LARP1B: variants seen among roughly 807,000 people sequenced by gnomAD.
LARP1B encodes La ribonucleoprotein 1B.
In LARP1B, 76 loss-of-function variants were observed where a neutral mutation model predicts 114.2. The observed-to-expected ratio is 0.67, with a 90% CI of 0.55 to 0.81. The LOEUF (loss-of-function observed/expected upper bound fraction) is 0.81, where lower values mean the gene tolerates loss of function less well. Ranked by LOEUF, LARP1B falls within the 30% of genes least tolerant of loss-of-function variation. The pLI, the probability that LARP1B is intolerant of heterozygous loss-of-function variation, is 0.00. For missense variants in LARP1B, 1,014 were observed against 1,075.8 expected, an observed-to-expected ratio of 0.94 and a Z score of 0.80; for synonymous variants, 345 against 348.0, an observed-to-expected ratio of 0.99 and a Z score of 0.10.
At chr4:128,182,797 G>A (rs1749013268) in intron 15 of LARP1B, among the ~76,000 whole-genome samples, 2 of 152,300 alleles carry the variant, frequency 1.3e-5, no homozygotes, top group African/African-American at 4.8e-5. Flanking sequence ...GTTTTTGAGG[G>A]AAATTAAAAG....
At position 128,098,784 on chromosome 4, in the gene LARP1B, T is replaced by A. The variant is rs1262307297; in HGVS notation, c.813+454T>A. 2.9e-3 allele frequency among the ~76,000 whole-genome samples: 294 copies of A among 103,150 alleles called. 6 individuals are homozygous for A. Among genetic ancestry groups the A allele is most frequent in the African/African-American group, 1.0e-2 (282 of 28,278 alleles). 67.7% of individuals were successfully genotyped at this position (103,150 alleles called of 152,430 possible). A position where few individuals can be genotyped will look rare whatever the true frequency, so the allele number is the denominator to read the frequency against. ...ATATATATATTTTTTTTTTTTTTTT[T>A]TTTTTTTTTTTAAGACAGTGTCTCA... is the stretch of plus-strand genomic sequence containing the variant. On this transcript the variant is annotated intron_variant, in intron 8 of 19. Transcript: ENST00000326639.
At chr4:128,212,954 T>C (rs886177807), downstream of LARP1B, among the ~76,000 whole-genome samples, 1 of 146,750 alleles carries the variant, frequency 6.8e-6, no homozygotes, top group African/African-American at 2.5e-5. Context: ...GCTTTGCTCT[T>C]GTTGCCCGGG....
At chr4:128,078,442 C>T (rs1363568859) in intron 4 of LARP1B, among the ~76,000 whole-genome samples, 1 of 151,790 alleles carries the variant, frequency 6.6e-6, no homozygotes, top group Non-Finnish European at 1.5e-5. Context: ...ACTAAAAATA[C>T]ACAAAAAAAT....
chr4:128,162,346 C>G, intron 12 of LARP1B, 29 bp downstream of exon 12: 2 of 1,600,344 alleles, frequency 1.2e-6, no homozygotes, highest in South Asian at 2.2e-5. Flanking sequence ...GTGTAAGTGT[C>G]TGAATAGTAT....
chr4:128,067,048 T>G (rs537337718), intron 1 of LARP1B, among the ~76,000 whole-genome samples: 3 of 152,128 alleles, frequency 2.0e-5, no homozygotes, highest in African/African-American at 4.8e-5. Context: ...CCTCAGTTGA[T>G]GCGCCCGCTT....
chr4:128,118,082 AT>A (rs34699544), intron 10 of LARP1B, among the ~76,000 whole-genome samples: 152 of 76,738 alleles, frequency 2.0e-3, no homozygotes, highest in East Asian at 6.5e-3. Flanking sequence ...GGCCCGGCTA[AT>A]TTTTTTTTTT....
At position 128,162,274 on chromosome 4, in the gene LARP1B, G is replaced by C. The variant is rs778190901; in HGVS notation, c.1605G>C (p.Glu535Asp). ...ACCTAACACCTGAACTTCCTTTTGA[G>C]CCAAACCAAGAAGTTCCTGTAGCAC... ...FENLTPELPF[E>D]PNQEVPVAPS... Residue 535 changes from glutamate (E) to aspartate (D), a missense_variant, in exon 12 of 20, where the codon GAG becomes GAC. Glu to Asp is a conservative substitution (Grantham distance 45). Transcript: ENST00000326639. 6.2e-7 allele frequency: 1 copy of C among 1,613,250 alleles called. No homozygotes were observed. Among genetic ancestry groups the C allele is most frequent in the Non-Finnish European group, 8.5e-7 (1 of 1,179,426 alleles).
rs1337248752 is a variant in LARP1B, at chr4:128,179,428, G to A, written c.1919G>A (p.Arg640Lys). 1 of 1,607,770 alleles carries A rather than the reference G, an allele frequency of 6.2e-7. No homozygotes were observed. Among genetic ancestry groups the A allele is most frequent in the Non-Finnish European group, 8.5e-7 (1 of 1,177,690 alleles). Residue 640 changes from arginine (R) to lysine (K), a missense_variant, in exon 15 of 20, where the codon AGG (arginine) becomes AAG (lysine). By Grantham distance (26) the Arg-to-Lys change is conservative (BLOSUM62 2). Transcript: ENST00000326639. ...DVKSPRKRKTRHSTNPPLECH... is the reference protein window; with the variant it reads ...DVKSPRKRKTKHSTNPPLECH... ...TAGAGTCCAAGAAAGAGAAAAACAA[G>A]GCATAGCACAAATCCCCCTCTAGAG...
At chr4:128,204,951 G>T (rs1305388299) in intron 17 of LARP1B, among the ~76,000 whole-genome samples, 2 of 152,188 alleles carry the variant, frequency 1.3e-5, no homozygotes, top group Non-Finnish European at 2.9e-5. Context: ...ATTATAATGT[G>T]TAGCTAAGAT....
chr4:128,082,073 C>T, intron 4 of LARP1B, 92 bp from the exon 5 acceptor site: 1 of 1,145,402 alleles, frequency 8.7e-7, no homozygotes, highest in Non-Finnish European at 1.3e-6. Flanking sequence ...TTAAGTGTTT[C>T]ACTTATTTGA....
At chr4:128,128,268 G>T (rs1311804971) in intron 11 of LARP1B, among the ~76,000 whole-genome samples, 1 of 152,088 alleles carries the variant, frequency 6.6e-6, no homozygotes, top group Non-Finnish European at 1.5e-5. Context: ...ATAAAAACAG[G>T]TAAATTGGAC....
chr4:128,107,079 G>C (rs981291888), intron 8 of LARP1B, 60 bp from the exon 9 acceptor site: 14 of 1,392,074 alleles, frequency 1.0e-5, no homozygotes, highest in Non-Finnish European at 1.2e-5. Flanking sequence ...TAGGTTCTTA[G>C]AAGTATAGCA....
chr4:128,195,648 A>G (rs930237345), intron 15 of LARP1B, among the ~76,000 whole-genome samples: 1 of 152,242 alleles, frequency 6.6e-6, no homozygotes, highest in African/African-American at 2.4e-5. Context: ...ACATGAATGA[A>G]ACTACTGATT....
At position 128,091,511 on chromosome 4, in the gene LARP1B, A is replaced by T; in HGVS notation, c.667A>T (p.Ile223Phe). 6.3e-7 allele frequency: 1 copy of T among 1,595,558 alleles called. No homozygotes were observed. The highest frequency in any genetic ancestry group is 2.2e-5 in the East Asian group (1 of 44,506). ...GCTTAAAGAGTATATTAAGCGTCAA[A>T]TGTAAGTGGATGTTTGATGTAAGCA... is the stretch of plus-strand genomic sequence containing the variant. ...ALLKEYIKRQ[I>F]EYYFSVENLE... Residue 223 changes from isoleucine (I) to phenylalanine (F), a missense_variant and splice_region_variant, in exon 7 of 20, where the codon ATT becomes TTT. By Grantham distance (21) the Ile-to-Phe change is conservative. Coordinates refer to ENST00000326639, the MANE Select transcript of LARP1B (RefSeq NM_018078.4).
chr4:128,183,703 A>G (rs1749351776), intron 15 of LARP1B, among the ~76,000 whole-genome samples: 5 of 152,352 alleles, frequency 3.3e-5, no homozygotes, highest in South Asian at 2.1e-4. Flanking sequence ...TCATAAGGCT[A>G]TAGCTGCCAC....
chr4:128,152,286 C>T (rs1037820558), intron 11 of LARP1B, among the ~76,000 whole-genome samples: 3 of 150,148 alleles, frequency 2.0e-5, no homozygotes, highest in Non-Finnish European at 4.4e-5. Context: ...TCACTGAAAC[C>T]TCCACCTCCC....
Position 128,200,591 on chromosome 4 carries a change from C to G in LARP1B, c.2235C>G (p.Leu745=). The change falls in exon 17 of 20, where the codon CTC becomes CTG. Residue 745 remains leucine, a synonymous_variant. Coordinates refer to ENST00000326639, the MANE Select transcript of LARP1B (RefSeq NM_018078.4). The part of the protein sequence containing the change: ...NTLFRFWSFF[L]RDHFNKKMYE... ...TCTTTCGTTTCTGGTCCTTTTTCCT[C>G]AGAGATCACTTCAATAAAAAAATGT... is the stretch of plus-strand genomic sequence containing the variant. The G allele has an allele frequency of 6.3e-7, 1 of 1,595,796 alleles. No individual in the cohort carries two copies. Among genetic ancestry groups the G allele is most frequent in the Non-Finnish European group, 8.5e-7 (1 of 1,171,246 alleles).
At chr4:128,155,327 A>G (rs929855353) in intron 11 of LARP1B, 7 of 524,100 alleles carry the variant, frequency 1.3e-5, no homozygotes, top group Non-Finnish European at 2.4e-5. Context: ...CATGTGGTCA[A>G]AATCTGGAAA....
At chr4:128,185,518 TG>T (rs898452209) in intron 15 of LARP1B, among the ~76,000 whole-genome samples, 29 of 138,024 alleles carry the variant, frequency 2.1e-4, no homozygotes, top group African/African-American at 7.4e-4. Context: ...AGTTTTAAAA[TG>T]GGATTATTTG....
Sources: gnomAD v4.1 joint callset for allele counts (sites outside exome capture counted in the v4.1 genomes callset) on GRCh38, gnomAD v4.1.1 for gene constraint, MANE v1.5 for transcripts, NCBI Gene and HGNC (gene_info 2026-07-23, HGNC 2026-07-21) for gene names.